Variants in KANK4 observed in about 807,000 individuals in gnomAD.
KANK4 encodes the protein KN motif and ankyrin repeat domain-containing protein 4.
Under a neutral mutation model 80.8 loss-of-function variants are expected in KANK4, and 50 were observed. That is an observed-to-expected ratio of 0.62 (90% CI 0.49 to 0.78). KANK4 has a LOEUF of 0.78. KANK4 is among the 30% of genes least tolerant of loss of function. The pLI, the probability that KANK4 is intolerant of heterozygous loss-of-function variation, is 0.00. For synonymous variants in KANK4, 465 were observed against 506.9 expected (o/e 0.92, Z 1.11); for missense variants, 1,196 against 1,240.1 (o/e 0.96, Z 0.53).
At chr1:62,301,519 G>A (rs555150261) in intron 1 of KANK4, among the ~76,000 whole-genome samples, 15 of 151,976 alleles carry the variant, frequency 9.9e-5, no homozygotes, top group Non-Finnish European at 1.9e-4. Context: ...TGAAAACAGC[G>A]TAGCCTGGGA....
intron 6 of KANK4, among the ~76,000 whole-genome samples, chr1:62,266,324 C>T (rs1555832): frequency 0.35 from 53,270 of 151,798 alleles, 9,689 homozygotes; most frequent in African/African-American, 0.44. Flanking sequence ...ACACTGTGCA[C>T]TGCACACTCA....
At chr1:62,275,632 T>C (rs891910105) in intron 2 of KANK4, among the ~76,000 whole-genome samples, 1 of 152,208 alleles carries the variant, frequency 6.6e-6, no homozygotes, top group African/African-American at 2.4e-5. Context: ...CCGTTTACAT[T>C]ATTTAAGCTT....
At chr1:62,290,708 C>G (rs59349044) in intron 1 of KANK4, among the ~76,000 whole-genome samples, 6,568 of 151,694 alleles carry the variant, frequency 0.043, 454 homozygotes, top group African/African-American at 0.15. Flanking sequence ...TAGATGGATG[C>G]ATGGGTGGAT....
intron 1 of KANK4, among the ~76,000 whole-genome samples, chr1:62,318,763 G>T (rs1419420078): frequency 6.6e-6 from 1 of 152,176 alleles, no homozygotes; most frequent in African/African-American, 2.4e-5. Context: ...GGACAGCACG[G>T]CCTCCCCCTC....
At chr1:62,278,673 G>A (rs556160568) in intron 2 of KANK4, among the ~76,000 whole-genome samples, 58 of 152,096 alleles carry the variant, frequency 3.8e-4, no homozygotes, top group African/African-American at 1.4e-3. Context: ...GGGATTACAG[G>A]CATGAGCCAC....
At chr1:62,275,147 C>A in intron 2 of KANK4, 60 bp from the exon 3 acceptor site, 2 of 1,274,092 alleles carry the variant, frequency 1.6e-6, no homozygotes. Context: ...CATTACAGGG[C>A]GATGAGGCCT....
intron 4 of KANK4, among the ~76,000 whole-genome samples, chr1:62,269,745 C>T (rs1672115045): frequency 1.3e-5 from 2 of 151,456 alleles, no homozygotes; most frequent in African/African-American, 4.9e-5. Flanking sequence ...AACATGTAAA[C>T]AAATATTATA....
chr1:62,281,687 T>C, intron 1 of KANK4, 53 bp from the exon 2 acceptor site: 1 of 1,140,324 alleles, frequency 8.8e-7, no homozygotes, highest in African/African-American at 1.5e-5. Context: ...TTTGAATAAG[T>C]ATTGGGGAAA....
chr1:62,238,059 G>A lies in KANK4; in HGVS notation c.*218C>T, dbSNP rs1671246425. The A allele has an allele frequency of 6.0e-6, 3 of 499,698 alleles. No individual in the cohort carries two copies. The highest frequency in any genetic ancestry group is 1.1e-5 in the Non-Finnish European group (3 of 271,574). 31.0% of individuals were successfully genotyped at this position (499,698 alleles called of 1,614,324 possible). ...CCCCTCACCTTGCACCTTGAACCCT[G>A]CTCTGAAGCCCGTGTAGTTTTCAGG... On this transcript the variant is annotated 3_prime_UTR_variant, in exon 10 of 10. Coordinates refer to ENST00000371153, the MANE Select transcript of KANK4 (RefSeq NM_181712.5).
chr1:62,276,919 T>A (rs558274241), intron 2 of KANK4, among the ~76,000 whole-genome samples: 1 of 152,366 alleles, frequency 6.6e-6, no homozygotes, highest in Admixed American at 6.5e-5. Flanking sequence ...GTGACTTATA[T>A]GACTCACTGC....
chr1:62,275,078 T>C lies in KANK4; in HGVS notation c.26A>G (p.Gln9Arg). ...TTTCTCTTCATCCCCCTGAGAGGAC[T>C]GGTCTTTGGCTGGGAGACATAAGAC... is the stretch of plus-strand genomic sequence containing the variant. MEKTDAKD[Q>R]SSQGDEEKDP... is the part of the protein sequence containing the mutation. The change falls in exon 3 of 10, where the codon CAG becomes CGG. Residue 9 changes from glutamine to arginine, a missense_variant. Gln to Arg is a conservative substitution (Grantham distance 43). Around this residue, in one of 3 missense-constraint regions of KANK4, gnomAD observed 36 missense variants for 34.0 expected, o/e 1.06. Coordinates refer to ENST00000371153, the MANE Select transcript of KANK4 (RefSeq NM_181712.5). The C allele has an allele frequency of 3.1e-6, 5 of 1,601,908 alleles. No homozygotes were observed. The highest frequency in any genetic ancestry group is 4.3e-6 in the Non-Finnish European group (5 of 1,174,250).
In KANK4 at chr1:62,273,633, C is replaced by T. The variant is rs1184668767; in HGVS notation, c.1471G>A (p.Val491Ile). Residue 491 changes from valine (V) to isoleucine (I), a missense_variant, in exon 3 of 10, where the codon GTA becomes ATA. Val to Ile is a conservative substitution (Grantham distance 29). This residue lies in a region of KANK4 where 1,154 missense variants were observed against 1,179.6 expected (regional missense o/e 0.98). Coordinates refer to ENST00000371153, the MANE Select transcript of KANK4 (RefSeq NM_181712.5). ...AGTTCAGTGGAGAGGAAGCTATGTACAGAGGAGGTAAGGACCTGCTCGGGT... is the reference window on the plus strand; with the variant it reads ...AGTTCAGTGGAGAGGAAGCTATGTATAGAGGAGGTAAGGACCTGCTCGGGT... ...QGPEQVLTSS[V>I]HSFLSTELRI... 4 of 1,614,154 alleles carry T rather than the reference C, an allele frequency of 2.5e-6. No individual in the cohort carries two copies. Among genetic ancestry groups the T allele is most frequent in the Non-Finnish European group, 3.4e-6 (4 of 1,180,010 alleles).
rs202244622 is a variant in KANK4 at position 62,274,097 on chromosome 1, C to A, written c.1007G>T (p.Arg336Met). 6.1e-4 allele frequency: 978 copies of A among 1,614,088 alleles called. 2 individuals are homozygous for A. The highest frequency in any genetic ancestry group is 8.1e-4 in the Non-Finnish European group (951 of 1,180,056). The change falls in exon 3 of 10, where the codon AGG (arginine) becomes ATG (methionine). Residue 336 changes from arginine to methionine, a missense_variant. By Grantham distance (91) the Arg-to-Met change is moderately conservative. Around this residue, in one of 3 missense-constraint regions of KANK4, gnomAD observed 1,154 missense variants for 1,179.6 expected, o/e 0.98. Coordinates refer to ENST00000371153, the MANE Select transcript of KANK4 (RefSeq NM_181712.5). ...RVTEESLGLA[R>M]VDPGSISSLK... The stretch of plus-strand genomic sequence containing the variant: ...GCTGGAGATGCTGCCTGGATCCACC[C>A]TGGCAAGGCCCAGGCTTTCCTCAGT...
At chr1:62,303,868 CTTTTTCTT>C (rs1374228987) in intron 1 of KANK4, among the ~76,000 whole-genome samples, 1 of 151,340 alleles carries the variant, frequency 6.6e-6, no homozygotes, top group Non-Finnish European at 1.5e-5. Context: ...ATTTCAAATT[CTTTTTCTT>C]TTTTTCTTTT....
intron 1 of KANK4, among the ~76,000 whole-genome samples, chr1:62,305,989 C>G (rs762672289): frequency 6.6e-5 from 10 of 152,142 alleles, no homozygotes; most frequent in Non-Finnish European, 1.5e-4. Context: ...GACTCTCTCT[C>G]TCTCTCTCTT....
At chr1:62,300,240 T>A (rs1489325578) in intron 1 of KANK4, among the ~76,000 whole-genome samples, 1 of 152,126 alleles carries the variant, frequency 6.6e-6, no homozygotes, top group East Asian at 1.9e-4. Flanking sequence ...AATAGCCCAG[T>A]AACTTGAGGA....
intron 1 of KANK4, among the ~76,000 whole-genome samples, chr1:62,286,135 C>T (rs1328672499): frequency 1.3e-5 from 2 of 152,272 alleles, no homozygotes; most frequent in Non-Finnish European, 2.9e-5. Flanking sequence ...TGCATTGCAG[C>T]AGCTGAATCT....
At chr1:62,263,446 C>T (rs1671942788) in intron 6 of KANK4, 135 bp from the exon 7 acceptor site, 2 of 725,234 alleles carry the variant, frequency 2.8e-6, no homozygotes, top group South Asian at 3.2e-5. Flanking sequence ...TCCTGAAGGG[C>T]TCAGAGCTGG....
intron 7 of KANK4, among the ~76,000 whole-genome samples, chr1:62,258,844 G>A (rs1671812887): frequency 6.6e-6 from 1 of 152,202 alleles, no homozygotes; most frequent in African/African-American, 2.4e-5. Context: ...AGACTTTTGA[G>A]GAGGTGACAT....
Sources: allele counts gnomAD v4.1 joint callset (sites outside exome capture counted in the v4.1 genomes callset), GRCh38; gene constraint gnomAD v4.1.1; regional missense constraint gnomAD v4.1.1; transcripts MANE v1.5; gene names NCBI Gene and HGNC (gene_info 2026-07-23, HGNC 2026-07-21).